The following ZBTB16 variants were observed in gnomAD, a reference collection of about 807,000 sequenced individuals.
ZBTB16 encodes the protein zinc finger and BTB domain-containing protein 16.
ZBTB16 carries 8 observed loss-of-function variants against 56.8 expected under a neutral mutation model. That is an observed-to-expected ratio of 0.14 (90% CI 0.08 to 0.25). The LOEUF (loss-of-function observed/expected upper bound fraction) is 0.25. Among genes scored for constraint, ZBTB16 ranks in the 10% least tolerant of loss-of-function variants. ZBTB16 has a pLI of 1.00. For missense variants in ZBTB16, 625 were observed against 903.0 expected, an observed-to-expected ratio of 0.69 and a Z score of 3.95; for synonymous variants, 363 against 368.5, an observed-to-expected ratio of 0.98 and a Z score of 0.17.
chr11:114,094,207 C>A (rs991294571), intron 2 of ZBTB16, among the ~76,000 whole-genome samples: 1 of 139,948 alleles, frequency 7.1e-6, no homozygotes, highest in Non-Finnish European at 1.6e-5. Context: ...CCCAGCTACT[C>A]GAGAGGCTGA....
At chr11:114,216,950 T>C in intron 4 of ZBTB16, among the ~76,000 whole-genome samples, 1 of 145,276 alleles carries the variant, frequency 6.9e-6, no homozygotes, top group South Asian at 2.2e-4. Context: ...ATATTTATTA[T>C]ACACAGGATA....
chr11:114,129,748 G>A (rs541543687), intron 2 of ZBTB16, among the ~76,000 whole-genome samples: 2 of 152,364 alleles, frequency 1.3e-5, no homozygotes, highest in East Asian at 1.9e-4. Context: ...CCGCAATGAC[G>A]CTGCGCCTCC....
At chr11:114,185,453 G>A (rs1943339393) in intron 3 of ZBTB16, among the ~76,000 whole-genome samples, 4 of 152,326 alleles carry the variant, frequency 2.6e-5, no homozygotes, top group African/African-American at 7.2e-5. Context: ...TATGGAGGTG[G>A]GTGGCTAACT....
chr11:114,162,348 A>C (rs1176136771), intron 3 of ZBTB16, among the ~76,000 whole-genome samples: 2 of 152,152 alleles, frequency 1.3e-5, no homozygotes, highest in African/African-American at 4.8e-5. Flanking sequence ...TCTTCTCCTC[A>C]AAGACAGAGA....
At chr11:114,158,717 T>G (rs1050526788) in intron 3 of ZBTB16, among the ~76,000 whole-genome samples, 1 of 152,198 alleles carries the variant, frequency 6.6e-6, no homozygotes, top group African/African-American at 2.4e-5. Flanking sequence ...AATGAAAATA[T>G]TTAACGCTAT....
intron 3 of ZBTB16, among the ~76,000 whole-genome samples, chr11:114,160,936 G>T (rs898697764): frequency 6.6e-6 from 1 of 152,168 alleles, no homozygotes; most frequent in African/African-American, 2.4e-5. Flanking sequence ...CCCTGATGGA[G>T]GGTGAAGCTT....
intron 2 of ZBTB16, among the ~76,000 whole-genome samples, chr11:114,083,295 TAAAAC>T (rs988945044): frequency 1.3e-5 from 2 of 152,174 alleles, no homozygotes; most frequent in Non-Finnish European, 2.9e-5. Context: ...CAAAACCAAA[TAAAAC>T]AAACAGTTCC....
intron 2 of ZBTB16, among the ~76,000 whole-genome samples, chr11:114,075,455 G>GTT (rs10683723): frequency 0.24 from 35,742 of 150,904 alleles, 4,842 homozygotes; most frequent in Admixed American, 0.35. Flanking sequence ...AAAATTAAGG[G>GTT]TTTTTTTTCT....
At chr11:114,242,000 C>T (rs1944715282) in intron 4 of ZBTB16, among the ~76,000 whole-genome samples, 167 bp from the exon 5 acceptor site, 1 of 152,246 alleles carries the variant, frequency 6.6e-6, no homozygotes, top group African/African-American at 2.4e-5. Flanking sequence ...TCACTGGGGC[C>T]ACATACTGGG....
At chr11:114,155,014 T>C (rs1215093952) in intron 2 of ZBTB16, among the ~76,000 whole-genome samples, 2 of 150,772 alleles carry the variant, frequency 1.3e-5, no homozygotes, top group Non-Finnish European at 2.9e-5. Context: ...GGTGGCTCGG[T>C]TTTGCTACCA....
chr11:114,127,328 G>GGTGT (rs1565639745), intron 2 of ZBTB16, among the ~76,000 whole-genome samples: 1 of 152,150 alleles, frequency 6.6e-6, no homozygotes, highest in Non-Finnish European at 1.5e-5. Flanking sequence ...GGACTCCCAT[G>GGTGT]GTGTGCGTGT....
chr11:114,204,086 C>T (rs747068089), intron 4 of ZBTB16, among the ~76,000 whole-genome samples: 11 of 152,124 alleles, frequency 7.2e-5, no homozygotes, highest in South Asian at 2.1e-4. Context: ...ACCTGTAATA[C>T]GGCTTCAGTG....
Position 114,063,892 on chromosome 11 carries a change from C to T in ZBTB16, c.592C>T (p.Pro198Ser). The change falls in exon 2 of 7, where the codon CCC (proline) becomes TCC (serine). Residue 198 changes from proline to serine, a missense_variant. Pro to Ser is a moderately conservative substitution (Grantham distance 74). Coordinates refer to ENST00000335953, the MANE Select transcript of ZBTB16 (RefSeq NM_006006.6). This position sits in a 1 kb window ranked among gnomAD's most constrained non-coding sequence, Gnocchi z 6.5. The part of the protein sequence containing the change: ...STSFGLSAMS[P>S]TKAAVDSLMT... ...TTCATTTGGTCTTTCAGCCATGAGTCCCACCAAGGCTGCAGTGGACAGTTT... is the reference window on the plus strand; with the variant it reads ...TTCATTTGGTCTTTCAGCCATGAGTTCCACCAAGGCTGCAGTGGACAGTTT... 6.2e-7 allele frequency: 1 copy of T among 1,614,068 alleles called. No individual in the cohort carries two copies. The highest frequency in any genetic ancestry group is 1.1e-5 in the South Asian group (1 of 91,080).
chr11:114,167,232 G>GTTTTTTTTTTTTTTTTTTTT (rs58946694), intron 3 of ZBTB16, among the ~76,000 whole-genome samples: 45 of 88,708 alleles, frequency 5.1e-4, no homozygotes, highest in East Asian at 1.0e-3. Context: ...TTTTTTTTTG[G>GTTTTTTTTTTTTTTTTTTTT]TTTTTTTTTT....
At chr11:114,209,073 CGAAGATAACT>C (rs2135124920) in intron 4 of ZBTB16, among the ~76,000 whole-genome samples, 1 of 152,196 alleles carries the variant, frequency 6.6e-6, no homozygotes, top group Non-Finnish European at 1.5e-5. Context: ...TGCCCGCATC[CGAAGATAACT>C]TGCCCCCAGG....
chr11:114,197,083 A>C (rs971028968), intron 4 of ZBTB16, among the ~76,000 whole-genome samples: 2 of 152,170 alleles, frequency 1.3e-5, no homozygotes, highest in African/African-American at 4.8e-5. Context: ...CACAATCCAA[A>C]CTAGAATTAG....
In ZBTB16 at chr11:114,250,679, T is replaced by A; in HGVS notation, c.*124T>A. The A allele has an allele frequency of 8.8e-7, 1 of 1,136,500 alleles. No individual in the cohort carries two copies. Among genetic ancestry groups the A allele is most frequent in the Non-Finnish European group, 1.2e-6 (1 of 802,674 alleles). 70.4% of individuals were successfully genotyped at this position (1,136,500 alleles called of 1,614,324 possible). A position where few individuals can be genotyped will look rare whatever the true frequency, so the allele number is the denominator to read the frequency against. On this transcript the variant is annotated 3_prime_UTR_variant, in exon 7 of 7. Transcript: ENST00000335953. This position sits in a 1 kb window ranked among gnomAD's most constrained non-coding sequence, Gnocchi z 6.0. ...AAAAAAACAGAAGGAAAAGGAAACC[T>A]GGTAGCTTTTTGGCCTTGGATTCTC...
intron 2 of ZBTB16, among the ~76,000 whole-genome samples, chr11:114,100,680 C>T (rs1940574368): frequency 6.6e-6 from 1 of 152,112 alleles, no homozygotes; most frequent in East Asian, 1.9e-4. Context: ...TGCGTTTACT[C>T]AGGCACAGAT....
At chr11:114,142,541 A>G (rs1941982124) in intron 2 of ZBTB16, among the ~76,000 whole-genome samples, 1 of 152,232 alleles carries the variant, frequency 6.6e-6, no homozygotes, top group Non-Finnish European at 1.5e-5. Context: ...TAAATTTGGA[A>G]TTTATCGCTG....
Sources: allele counts gnomAD v4.1 joint callset (sites outside exome capture counted in the v4.1 genomes callset), GRCh38; gene constraint gnomAD v4.1.1; non-coding constraint Gnocchi (gnomAD v3.1); transcripts MANE v1.5; gene names NCBI Gene and HGNC (gene_info 2026-07-23, HGNC 2026-07-21).